The following MYEF2 variants were observed in gnomAD, a reference collection of about 807,000 sequenced individuals.
MYEF2 encodes the protein myelin expression factor 2.
In MYEF2, 37 loss-of-function variants were observed where a neutral mutation model predicts 75.2. The observed-to-expected ratio is 0.49, with a 90% CI of 0.38 to 0.65. MYEF2 has a LOEUF of 0.65. MYEF2 is among the 30% of genes least tolerant of loss of function. MYEF2 has a pLI of 0.00. For synonymous variants in MYEF2, 195 were observed against 241.6 expected (o/e 0.81, Z 1.79); for missense variants, 634 against 771.4 (o/e 0.82, Z 2.11).
At chr15:48,158,412 T>C (rs187221075) in intron 7 of MYEF2, among the ~76,000 whole-genome samples, 188 bp from the exon 8 acceptor site, 12 of 152,322 alleles carry the variant, frequency 7.9e-5, no homozygotes, top group African/African-American at 2.9e-4. Flanking sequence ...TTTTATTTCA[T>C]CAATAAGATG....
In MYEF2 at chr15:48,152,216, AC is replaced by A. The variant is rs1329866261; in HGVS notation, c.1138+17del. On this transcript the variant is annotated intron_variant, in intron 11 of 16. Coordinates refer to ENST00000324324, the MANE Select transcript of MYEF2 (RefSeq NM_016132.5). The stretch of plus-strand genomic sequence containing the variant: ...AATGGTGATGGGTACATACAAAAAA[AC>A]AAATCTTTATACATACCTCCTCCAA... The A allele has an allele frequency of 1.2e-6, 2 of 1,603,196 alleles. No individual in the cohort carries two copies. Among genetic ancestry groups the A allele is most frequent in the African/African-American group, 1.3e-5 (1 of 74,422 alleles).
At chr15:48,152,058 ACTT>A in intron 11 of MYEF2, 116 bp from the exon 12 acceptor site, 1 of 1,168,380 alleles carries the variant, frequency 8.6e-7, no homozygotes, top group South Asian at 1.2e-5. Context: ...TTGTGCAGCT[ACTT>A]CTTAACACAT....
chr15:48,152,221 T>A lies in MYEF2; in HGVS notation c.1138+13A>T. On this transcript the variant is annotated intron_variant, in intron 11 of 16. Coordinates refer to ENST00000324324, the MANE Select transcript of MYEF2 (RefSeq NM_016132.5). Reference sequence around the variant, plus strand: ...TGATGGGTACATACAAAAAAACAAATCTTTATACATACCTCCTCCAATTCT... The same window carrying A: ...TGATGGGTACATACAAAAAAACAAAACTTTATACATACCTCCTCCAATTCT... 1 of 1,606,556 alleles carries A rather than the reference T, an allele frequency of 6.2e-7. No homozygotes were observed. Among genetic ancestry groups the A allele is most frequent in the South Asian group, 1.1e-5 (1 of 90,578 alleles).
Position 48,137,034 on chromosome 15 carries a change from A to G in MYEF2, c.*5874T>C. On this transcript the variant is annotated 3_prime_UTR_variant, in exon 17 of 17. Coordinates refer to ENST00000324324, the MANE Select transcript of MYEF2 (RefSeq NM_016132.5). ...AAACTTTAAAATTTCATTTCAATTC[A>G]GCAAGTATTGTGTGCTTTTTATGTA... 4 of 1,469,290 alleles carry G rather than the reference A, an allele frequency of 2.7e-6. No individual in the cohort carries two copies. The South Asian group carries it at 5.5e-5, about 20-fold the overall frequency. The allele number at this position is 1,469,290 out of a possible 1,614,324, so 91.0% of individuals were successfully genotyped here.
chr15:48,169,110 C>G (rs1209375085), intron 1 of MYEF2, among the ~76,000 whole-genome samples: 1 of 152,172 alleles, frequency 6.6e-6, no homozygotes, highest in African/African-American at 2.4e-5. Flanking sequence ...TTTTTCCCAT[C>G]ACACTACTTA....
intron 10 of MYEF2, chr15:48,153,502 C>G (rs2039574674): frequency 1.4e-5 from 3 of 213,548 alleles, no homozygotes; most frequent in Admixed American, 1.1e-4. Flanking sequence ...TCCATAAATA[C>G]TGTTCATAGA....
In MYEF2 at chr15:48,138,667, G is replaced by T. The variant is rs2038962475; in HGVS notation, c.*4241C>A. On this transcript the variant is annotated 3_prime_UTR_variant, in exon 17 of 17. Transcript: ENST00000324324. ...AAGTTACTGAAGACAATCCACAGGAGATGTCCAATTGACACTTCATAAACA... is the reference window on the plus strand; with the variant it reads ...AAGTTACTGAAGACAATCCACAGGATATGTCCAATTGACACTTCATAAACA... 8.0e-6 allele frequency: 2 copies of T among 249,816 alleles called. No individual in the cohort carries two copies. The highest frequency in any genetic ancestry group is 1.5e-4 in the South Asian group (2 of 13,270). The allele number at this position is 249,816 out of a possible 1,614,324, so 15.5% of individuals were successfully genotyped here. A position where few individuals can be genotyped will look rare whatever the true frequency, so the allele number is the denominator to read the frequency against.
chr15:48,152,159 G>T, intron 11 of MYEF2, 75 bp downstream of exon 11: 1 of 1,407,126 alleles, frequency 7.1e-7, no homozygotes, highest in South Asian at 1.2e-5. Context: ...TTTTTTTCAT[G>T]GAATTCTCAA....
chr15:48,172,260 C>G (rs370797094), intron 1 of MYEF2, among the ~76,000 whole-genome samples: 1 of 151,982 alleles, frequency 6.6e-6, no homozygotes, highest in African/African-American at 2.4e-5. Flanking sequence ...ATTAGCCAGA[C>G]GTAGTGATGC....
chr15:48,177,012 T>A (rs1008065216), intron 1 of MYEF2, among the ~76,000 whole-genome samples: 2 of 152,210 alleles, frequency 1.3e-5, no homozygotes, highest in African/African-American at 4.8e-5. Context: ...GTTCTTACCA[T>A]ACAATTTCAA....
In MYEF2 at chr15:48,149,675, T is replaced by C. The variant is rs1417037632; in HGVS notation, c.1379-304A>G. 1 of 178,224 alleles carries C rather than the reference T, an allele frequency of 5.6e-6. No individual in the cohort carries two copies. The highest frequency in any genetic ancestry group is 1.2e-5 in the Non-Finnish European group (1 of 85,708). The allele number at this position is 178,224 out of a possible 1,614,324, so 11.0% of individuals were successfully genotyped here. On this transcript the variant is annotated intron_variant, in intron 14 of 16. Coordinates refer to ENST00000324324, the MANE Select transcript of MYEF2 (RefSeq NM_016132.5). This position sits in a 1 kb window ranked among gnomAD's most constrained non-coding sequence, Gnocchi z 4.0. ...AAAATTGTATTCTGATCACTAAATA[T>C]ATCATATAAATATATAAATCCTCTA... is the stretch of plus-strand genomic sequence containing the variant.
intron 5 of MYEF2, chr15:48,162,986 C>T (rs2040002592): frequency 6.6e-6 from 1 of 152,140 alleles, no homozygotes; most frequent in Admixed American, 6.5e-5. Flanking sequence ...TTGCAAGTCT[C>T]TCACTTTAAA....
rs570339390 is a variant in MYEF2 at position 48,168,671 on chromosome 15, G to A, written c.330C>T (p.Asp110=). ...GATCTTTAATAGCTTGCCATTTCAT[G>A]TCATATGGGATGTTGCTAATGAAAA... is the stretch of plus-strand genomic sequence containing the variant. ...NRVFISNIPY[D]MKWQAIKDLM... Residue 110 remains aspartate, a synonymous_variant, in exon 2 of 17, where the codon GAC becomes GAT. Transcript: ENST00000324324. 1 of 1,613,744 alleles carries A rather than the reference G, an allele frequency of 6.2e-7. No homozygotes were observed. The highest frequency in any genetic ancestry group is 8.5e-7 in the Non-Finnish European group (1 of 1,179,816).
At chr15:48,159,485 A>T in intron 6 of MYEF2, 128 bp downstream of exon 6, 1 of 754,854 alleles carries the variant, frequency 1.3e-6, no homozygotes, top group Non-Finnish European at 2.1e-6. Context: ...TTTTGAGTTT[A>T]CAATAATTAC....
intron 1 of MYEF2, among the ~76,000 whole-genome samples, chr15:48,170,956 A>AT (rs1416880453): frequency 6.6e-6 from 1 of 152,104 alleles, no homozygotes; most frequent in African/African-American, 2.4e-5. Context: ...TTGCTTTGCC[A>AT]TTTTTTTTAG....
intron 7 of MYEF2, 76 bp from the exon 8 acceptor site, chr15:48,158,300 CT>C: frequency 7.3e-7 from 1 of 1,364,408 alleles, no homozygotes. Flanking sequence ...TTTTAATAAT[CT>C]TAGAGTCCAA....
At chr15:48,154,802 C>T (rs940456936) in intron 9 of MYEF2, among the ~76,000 whole-genome samples, 58 of 151,274 alleles carry the variant, frequency 3.8e-4, no homozygotes, top group African/African-American at 1.4e-3. Flanking sequence ...AGTGATGACA[C>T]AAGAAAATGG....
rs72737953 is a variant in MYEF2, at chr15:48,177,269, T to C, written c.161+808A>G. 1.7e-3 allele frequency among the ~76,000 whole-genome samples: 263 copies of C among 152,200 alleles called. 1 individual carries two copies. Among genetic ancestry groups the C allele is most frequent in the Non-Finnish European group, 2.9e-3 (196 of 68,006 alleles). ...CCCTAGAACCAGAAATTATTATGGATTGGGGTCAACTAAATTCTTTATAGG... is the reference window on the plus strand; with the variant it reads ...CCCTAGAACCAGAAATTATTATGGACTGGGGTCAACTAAATTCTTTATAGG... On this transcript the variant is annotated intron_variant, in intron 1 of 16. Transcript: ENST00000324324.
chr15:48,165,987 G>T lies in MYEF2; in HGVS notation c.471C>A (p.Ala157=). ...EFKDEEFVKK[A]LETMNKYDLS... is the part of the protein sequence containing the mutation. The stretch of plus-strand genomic sequence containing the variant: ...GATCATATTTGTTCATAGTTTCTAG[G>T]GCTTTCTTTACAAATTCTTCATCTT... Residue 157 remains alanine, a synonymous_variant, in exon 5 of 17, where the codon GCC becomes GCA. Coordinates refer to ENST00000324324, the MANE Select transcript of MYEF2 (RefSeq NM_016132.5). The T allele has an allele frequency of 1.3e-6, 2 of 1,597,452 alleles. No individual in the cohort carries two copies. Among genetic ancestry groups the T allele is most frequent in the South Asian group, 1.1e-5 (1 of 88,096 alleles).
Sources: gnomAD v4.1 joint callset for allele counts (sites outside exome capture counted in the v4.1 genomes callset) on GRCh38, gnomAD v4.1.1 for gene constraint, Gnocchi (gnomAD v3.1) non-coding constraint, MANE v1.5 for transcripts, NCBI Gene and HGNC (gene_info 2026-07-23, HGNC 2026-07-21) for gene names.